KCNA1: variants seen among roughly 807,000 people sequenced by gnomAD.
KCNA1 encodes the protein potassium channel, voltage gated shaker related subfamily A, member 1.
In KCNA1, 19 loss-of-function variants were observed where a neutral mutation model predicts 28.8. The observed-to-expected ratio is 0.66, with a 90% CI of 0.46 to 0.97. The LOEUF (loss-of-function observed/expected upper bound fraction) is 0.97. Among genes scored for constraint, KCNA1 ranks in the 50% least tolerant of loss-of-function variants. KCNA1 has a pLI of 0.00. For synonymous variants in KCNA1, 311 were observed against 268.8 expected, an observed-to-expected ratio of 1.16 and a Z score of -1.53; for missense variants, 419 against 659.7, an observed-to-expected ratio of 0.64 and a Z score of 4.00.
rs771000500 is a variant in KCNA1, at chr12:4,912,335, C to T, written c.957C>T (p.Leu319=). Residue 319 remains leucine, a synonymous_variant, in exon 2 of 2, where the codon CTC becomes CTT. Transcript: ENST00000382545. ...GCCTCCAGATCCTGGGCCAGACCCT[C>T]AAAGCTAGTATGAGAGAGCTAGGGC... ...SKGLQILGQT[L]KASMRELGLL... is the part of the protein sequence containing the mutation. 6.2e-7 allele frequency: 1 copy of T among 1,613,962 alleles called. No individual in the cohort carries two copies. Among genetic ancestry groups the T allele is most frequent in the South Asian group, 1.1e-5 (1 of 91,068 alleles).
chr12:4,912,227 G>T lies in KCNA1; in HGVS notation c.849G>T (p.Glu283Asp), dbSNP rs777660284. The T allele has an allele frequency of 6.2e-7, 1 of 1,612,552 alleles. No individual in the cohort carries two copies. Among genetic ancestry groups the T allele is most frequent in the Admixed American group, 1.7e-5 (1 of 59,828 alleles). The change falls in exon 2 of 2, where the codon GAG (glutamate) becomes GAT (aspartate). Residue 283 changes from glutamate to aspartate, a missense_variant. Glu to Asp is a conservative substitution (Grantham distance 45). Coordinates refer to ENST00000382545, the MANE Select transcript of KCNA1 (RefSeq NM_000217.3). ...IAEQEGNQKG[E>D]QATSLAILRV... ...AGCAGGAAGGAAACCAGAAGGGCGA[G>T]CAGGCCACCTCCCTGGCCATCCTCA...
rs144351014 is a variant in KCNA1, at chr12:4,912,503, C to T, written c.1125C>T (p.Tyr375=). Residue 375 remains tyrosine (Y), a synonymous_variant, in exon 2 of 2, where the codon TAC becomes TAT. Transcript: ENST00000382545. The part of the protein sequence containing the change: ...WAVVSMTTVG[Y]GDMYPVTIGG... ...TGGTGTCCATGACCACTGTAGGATACGGTGACATGTACCCTGTGACAATTG... is the reference window on the plus strand; with the variant it reads ...TGGTGTCCATGACCACTGTAGGATATGGTGACATGTACCCTGTGACAATTG... 7.9e-4 allele frequency: 1,271 copies of T among 1,613,864 alleles called. No homozygotes were observed. The highest frequency in any genetic ancestry group is 1.0e-3 in the Non-Finnish European group (1,210 of 1,179,958).
Position 4,911,378 on chromosome 12 carries a change from C to T in KCNA1, c.-1C>T. On this transcript the variant is annotated 5_prime_UTR_variant, in exon 2 of 2. Coordinates refer to ENST00000382545, the MANE Select transcript of KCNA1 (RefSeq NM_000217.3). This position sits in a 1 kb window ranked among gnomAD's most constrained non-coding sequence, Gnocchi z 6.6. ...TCCCACCCCCGCGCCCGGCTTCCAC[C>T]ATGACGGTGATGTCTGGGGAGAACG... 6.2e-7 allele frequency: 1 copy of T among 1,612,140 alleles called. No homozygotes were observed. Among genetic ancestry groups the T allele is most frequent in the Non-Finnish European group, 8.5e-7 (1 of 1,179,776 alleles).
rs1419909124 is a variant in KCNA1 at position 4,913,863 on chromosome 12, C to T, written c.*997C>T. On this transcript the variant is annotated 3_prime_UTR_variant, in exon 2 of 2. Coordinates refer to ENST00000382545, the MANE Select transcript of KCNA1 (RefSeq NM_000217.3). The stretch of plus-strand genomic sequence containing the variant: ...TTCATTTGCATTCACCAAAAGTGCA[C>T]TCCTCCATTTATTAACTATTTTATT... 1 of 166,872 alleles carries T rather than the reference C, an allele frequency of 6.0e-6. No homozygotes were observed. Among genetic ancestry groups the T allele is most frequent in the African/African-American group, 2.4e-5 (1 of 41,428 alleles). 10.3% of individuals were successfully genotyped at this position (166,872 alleles called of 1,614,324 possible).
At position 4,911,448 on chromosome 12, in the gene KCNA1, T is replaced by C. The variant is rs1224258529; in HGVS notation, c.70T>C (p.Tyr24His). ...CCCGGGCCACCCCCAGGATGGCAGCTACCCCCGGCAGGCCGACCACGACGA... is the reference window on the plus strand; with the variant it reads ...CCCGGGCCACCCCCAGGATGGCAGCCACCCCCGGCAGGCCGACCACGACGA... ...AAPGHPQDGS[Y>H]PRQADHDDHE... Residue 24 changes from tyrosine (Y) to histidine (H), a missense_variant, in exon 2 of 2, where the codon TAC (tyrosine) becomes CAC (histidine). Physicochemically the swap from Tyr to His is moderately conservative, Grantham distance 83 (BLOSUM62 2). Coordinates refer to ENST00000382545, the MANE Select transcript of KCNA1 (RefSeq NM_000217.3). The surrounding 1 kb of genome is among the most constrained non-coding windows in gnomAD (Gnocchi z 6.6). The C allele has an allele frequency of 4.3e-6, 7 of 1,613,736 alleles. No homozygotes were observed. In the Middle Eastern group the frequency reaches 4.9e-4, roughly 114 times the overall value.
chr12:4,915,749 C>T lies in KCNA1; in HGVS notation c.*2883C>T, dbSNP rs565320844. On this transcript the variant is annotated 3_prime_UTR_variant, in exon 2 of 2. Coordinates refer to ENST00000382545, the MANE Select transcript of KCNA1 (RefSeq NM_000217.3). ...CTAGTGCACACAGAACTTGAAACAC[C>T]GCACTCTGTCAACAGCAATAATCCA... is the stretch of plus-strand genomic sequence containing the variant. 3.6e-5 allele frequency: 6 copies of T among 167,162 alleles called. No individual in the cohort carries two copies. Among genetic ancestry groups the T allele is most frequent in the East Asian group, 3.9e-4 (2 of 5,188 alleles). 10.4% of individuals were successfully genotyped at this position (167,162 alleles called of 1,614,324 possible).
At position 4,914,595 on chromosome 12, in the gene KCNA1, G is replaced by A. The variant is rs927720468; in HGVS notation, c.*1729G>A. 1 of 167,190 alleles carries A rather than the reference G, an allele frequency of 6.0e-6. No individual in the cohort carries two copies. Among genetic ancestry groups the A allele is most frequent in the Admixed American group, 6.5e-5 (1 of 15,286 alleles). The allele number at this position is 167,190 out of a possible 1,614,324, so 10.4% of individuals were successfully genotyped here. A position where few individuals can be genotyped will look rare whatever the true frequency, so the allele number is the denominator to read the frequency against. On this transcript the variant is annotated 3_prime_UTR_variant, in exon 2 of 2. Coordinates refer to ENST00000382545, the MANE Select transcript of KCNA1 (RefSeq NM_000217.3). ...CTGAGAAGTTAGGTAGCAAAAGTGGGGAAGGGTTGGGGCACAGACCTTTTG... is the reference window on the plus strand; with the variant it reads ...CTGAGAAGTTAGGTAGCAAAAGTGGAGAAGGGTTGGGGCACAGACCTTTTG...
rs1027397098 is a variant in KCNA1, at chr12:4,915,322, A to T, written c.*2456A>T. ...AGCATGTGGCTGCCTGTTACCTGAC[A>T]TTCTGGCCCAGCTTCTTCTGAAAAT... On this transcript the variant is annotated 3_prime_UTR_variant, in exon 2 of 2. Coordinates refer to ENST00000382545, the MANE Select transcript of KCNA1 (RefSeq NM_000217.3). 3.6e-5 allele frequency: 6 copies of T among 167,192 alleles called. No individual in the cohort carries two copies. The highest frequency in any genetic ancestry group is 8.8e-5 in the Non-Finnish European group (6 of 68,246). 10.4% of individuals were successfully genotyped at this position (167,192 alleles called of 1,614,324 possible). A position where few individuals can be genotyped will look rare whatever the true frequency, so the allele number is the denominator to read the frequency against.
rs956570726 is a variant in KCNA1 at position 4,913,087 on chromosome 12, T to C, written c.*221T>C. 8.7e-6 allele frequency: 5 copies of C among 572,842 alleles called. No homozygotes were observed. The highest frequency in any genetic ancestry group is 1.9e-5 in the African/African-American group (1 of 53,054). The allele number at this position is 572,842 out of a possible 1,614,324, so 35.5% of individuals were successfully genotyped here. ...GACAAAATAAACTATTTTCCTTTTA[T>C]TAAAAAATGGGAAAAGAGAGAGTAT... On this transcript the variant is annotated 3_prime_UTR_variant, in exon 2 of 2. Coordinates refer to ENST00000382545, the MANE Select transcript of KCNA1 (RefSeq NM_000217.3).
rs1947381222 is a variant in KCNA1, at chr12:4,915,724, C to T, written c.*2858C>T. The T allele has an allele frequency of 6.0e-6, 1 of 167,108 alleles. No individual in the cohort carries two copies. Among genetic ancestry groups the T allele is most frequent in the African/African-American group, 2.4e-5 (1 of 41,452 alleles). 10.4% of individuals were successfully genotyped at this position (167,108 alleles called of 1,614,324 possible). A position where few individuals can be genotyped will look rare whatever the true frequency, so the allele number is the denominator to read the frequency against. The stretch of plus-strand genomic sequence containing the variant: ...TGATCTTTCATTTCAACGTTGAGGT[C>T]TAGTGCACACAGAACTTGAAACACC... On this transcript the variant is annotated 3_prime_UTR_variant, in exon 2 of 2. Coordinates refer to ENST00000382545, the MANE Select transcript of KCNA1 (RefSeq NM_000217.3).
rs1947384012 is a variant in KCNA1, at chr12:4,916,059, G to A, written c.*3193G>A. The A allele has an allele frequency of 6.0e-6, 1 of 167,120 alleles. No homozygotes were observed. The highest frequency in any genetic ancestry group is 1.5e-5 in the Non-Finnish European group (1 of 68,146). 10.4% of individuals were successfully genotyped at this position (167,120 alleles called of 1,614,324 possible). On this transcript the variant is annotated 3_prime_UTR_variant, in exon 2 of 2. Coordinates refer to ENST00000382545, the MANE Select transcript of KCNA1 (RefSeq NM_000217.3). ...GTACAGGGATTATCTGTGTAGCATA[G>A]GCATGCAATGTTTGACCAAGCTCTT...
At position 4,916,809 on chromosome 12, in the gene KCNA1, T is replaced by C. The variant is rs1213592048; in HGVS notation, c.*3943T>C. Reference sequence around the variant, plus strand: ...GTAAATGGTAAATGAGGAATACATTTTTTTAAAGTAGAAATTTGGTTTAGC... The same window carrying C: ...GTAAATGGTAAATGAGGAATACATTCTTTTAAAGTAGAAATTTGGTTTAGC... On this transcript the variant is annotated 3_prime_UTR_variant, in exon 2 of 2. Transcript: ENST00000382545. The C allele has an allele frequency of 6.0e-6, 1 of 167,066 alleles. No homozygotes were observed. The highest frequency in any genetic ancestry group is 1.5e-5 in the Non-Finnish European group (1 of 68,118). The allele number at this position is 167,066 out of a possible 1,614,324, so 10.3% of individuals were successfully genotyped here. A position where few individuals can be genotyped will look rare whatever the true frequency, so the allele number is the denominator to read the frequency against.
rs145042702 is a variant in KCNA1 at position 4,911,546 on chromosome 12, G to T, written c.168G>T (p.Ala56=). The T allele has an allele frequency of 5.6e-6, 9 of 1,614,044 alleles. No homozygotes were observed. The African/African-American group carries it at 8.0e-5, about 14-fold the overall frequency. Residue 56 remains alanine (A), a synonymous_variant, in exon 2 of 2, where the codon GCG becomes GCT. Transcript: ENST00000382545. The surrounding 1 kb of genome is among the most constrained non-coding windows in gnomAD (Gnocchi z 6.6). Reference sequence around the variant, plus strand: ...TCGAGACGCAGCTCAAGACCCTGGCGCAGTTCCCCAACACGCTGCTGGGCA... The same window carrying T: ...TCGAGACGCAGCTCAAGACCCTGGCTCAGTTCCCCAACACGCTGCTGGGCA... The part of the protein sequence containing the change: ...LRFETQLKTL[A]QFPNTLLGNP...
In KCNA1 at chr12:4,911,366, C is replaced by G. The variant is rs201149627; in HGVS notation, c.-13C>G. On this transcript the variant is annotated 5_prime_UTR_variant, in exon 2 of 2. Transcript: ENST00000382545. This position sits in a 1 kb window ranked among gnomAD's most constrained non-coding sequence, Gnocchi z 6.6. ...TCTCTCCTGGCCTCCCACCCCCGCG[C>G]CCGGCTTCCACCATGACGGTGATGT... 1.2e-6 allele frequency: 2 copies of G among 1,610,678 alleles called. No individual in the cohort carries two copies. Among genetic ancestry groups the G allele is most frequent in the Admixed American group, 1.7e-5 (1 of 59,920 alleles).
Position 4,916,057 on chromosome 12 carries a change from T to C in KCNA1, c.*3191T>C, listed in dbSNP as rs1159809630. ...GAGTACAGGGATTATCTGTGTAGCA[T>C]AGGCATGCAATGTTTGACCAAGCTC... On this transcript the variant is annotated 3_prime_UTR_variant, in exon 2 of 2. Transcript: ENST00000382545. 27 of 167,152 alleles carry C rather than the reference T, an allele frequency of 1.6e-4. No individual in the cohort carries two copies. Among genetic ancestry groups the C allele is most frequent in the African/African-American group, 4.8e-5 (2 of 41,460 alleles). 10.4% of individuals were successfully genotyped at this position (167,152 alleles called of 1,614,324 possible).
In KCNA1 at chr12:4,912,742, T is replaced by A. The variant is rs886049512; in HGVS notation, c.1364T>A (p.Met455Lys). The A allele has an allele frequency of 1.2e-6, 2 of 1,613,664 alleles. No individual in the cohort carries two copies. Among genetic ancestry groups the A allele is most frequent in the Non-Finnish European group, 1.7e-6 (2 of 1,179,858 alleles). The change falls in exon 2 of 2, where the codon ATG becomes AAG. Residue 455 changes from methionine (M) to lysine (K), a missense_variant. Coordinates refer to ENST00000382545, the MANE Select transcript of KCNA1 (RefSeq NM_000217.3). ...SSSTMSKSEY[M>K]EIEEDMNNSI... ...TCTACTATGAGCAAGTCTGAGTACATGGAGATCGAAGAGGATATGAATAAT... is the reference window on the plus strand; with the variant it reads ...TCTACTATGAGCAAGTCTGAGTACAAGGAGATCGAAGAGGATATGAATAAT...
At position 4,917,777 on chromosome 12, in the gene KCNA1, A is replaced by T. The variant is rs1292746450; in HGVS notation, c.*4911A>T. 6.0e-6 allele frequency: 1 copy of T among 167,058 alleles called. No individual in the cohort carries two copies. The highest frequency in any genetic ancestry group is 1.5e-5 in the Non-Finnish European group (1 of 68,120). The allele number at this position is 167,058 out of a possible 1,614,324, so 10.3% of individuals were successfully genotyped here. On this transcript the variant is annotated 3_prime_UTR_variant, in exon 2 of 2. Transcript: ENST00000382545. ...AACAAAACAAGAAATCTCTTGTAAA[A>T]TATTCCAGGTCAAAGTTGTCTCCTC...
chr12:4,912,479 G>A lies in KCNA1; in HGVS notation c.1101G>A (p.Val367=). ...SSIPDAFWWA[V]VSMTTVGYGD... The stretch of plus-strand genomic sequence containing the variant: ...TCCCCGATGCTTTCTGGTGGGCGGT[G>A]GTGTCCATGACCACTGTAGGATACG... The change falls in exon 2 of 2, where the codon GTG becomes GTA. Residue 367 remains valine (V), a synonymous_variant. Transcript: ENST00000382545. 6.2e-7 allele frequency: 1 copy of A among 1,613,844 alleles called. No individual in the cohort carries two copies. Among genetic ancestry groups the A allele is most frequent in the Non-Finnish European group, 8.5e-7 (1 of 1,179,972 alleles).
rs1947337879 is a variant in KCNA1 at position 4,909,958 on chromosome 12, C to G, written c.-1054C>G. 6.5e-6 allele frequency: 1 copy of G among 152,876 alleles called. No individual in the cohort carries two copies. The highest frequency in any genetic ancestry group is 1.9e-4 in the East Asian group (1 of 5,146). The allele number at this position is 152,876 out of a possible 1,614,324, so 9.5% of individuals were successfully genotyped here. The stretch of plus-strand genomic sequence containing the variant: ...CACGCACCCTGCTCCACTCCAAGCT[C>G]CTAAGGGCTCCTGGCGCGCCGCGTA... On this transcript the variant is annotated 5_prime_UTR_variant, in exon 1 of 2. Coordinates refer to ENST00000382545, the MANE Select transcript of KCNA1 (RefSeq NM_000217.3).
Sources: gnomAD v4.1 joint callset for allele counts on GRCh38, gnomAD v4.1.1 for gene constraint, Gnocchi (gnomAD v3.1) non-coding constraint, MANE v1.5 for transcripts, NCBI Gene and HGNC (gene_info 2026-07-23, HGNC 2026-07-21) for gene names.